Variants in KLHL30 observed in about 807,000 individuals in gnomAD.
KLHL30 encodes kelch-like protein 30.
Under a neutral mutation model 55.0 loss-of-function variants are expected in KLHL30, and 55 were observed. The observed-to-expected ratio is 1.00, with a 90% CI of 0.80 to 1.25. The LOEUF (loss-of-function observed/expected upper bound fraction) is 1.25. KLHL30 is among the 50% of genes most tolerant of loss of function. The probability of loss-of-function intolerance (pLI) is 0.00; values close to 1 mark genes in which losing one functional copy is unlikely to be tolerated. For missense variants in KLHL30, 786 were observed against 811.6 expected, an observed-to-expected ratio of 0.97 and a Z score of 0.38; for synonymous variants, 356 against 372.6, an observed-to-expected ratio of 0.96 and a Z score of 0.51.
At position 238,141,177 on chromosome 2, in the gene KLHL30, C is replaced by T. The variant is rs563194377; in HGVS notation, c.423C>T (p.Phe141=). 9.9e-6 allele frequency: 16 copies of T among 1,611,780 alleles called. No individual in the cohort carries two copies. Among genetic ancestry groups the T allele is most frequent in the South Asian group, 6.6e-5 (6 of 91,014 alleles). The change falls in exon 2 of 8, where the codon TTC becomes TTT. Residue 141 remains phenylalanine, a synonymous_variant. Coordinates refer to ENST00000409223, the MANE Select transcript of KLHL30 (RefSeq NM_198582.4). ...DAANCLGICE[F]GEQQGLLGVA... is the part of the protein sequence containing the mutation. ...CCAACTGCCTGGGCATCTGTGAGTT[C>T]GGGGAGCAGCAAGGGCTGCTGGGCG...
At chr2:238,142,715 T>C in intron 2 of KLHL30, 84 bp from the exon 3 acceptor site, 2 of 1,278,978 alleles carry the variant, frequency 1.6e-6, no homozygotes, top group Non-Finnish European at 2.0e-6. Flanking sequence ...TGCACTCACA[T>C]GCTGAGGCCT....
At position 238,141,392 on chromosome 2, in the gene KLHL30, C is replaced by T. The variant is rs12692216; in HGVS notation, c.638C>T (p.Ala213Val). The change falls in exon 2 of 8, where the codon GCC becomes GTC. Residue 213 changes from alanine (A) to valine (V), a missense_variant. Ala to Val is a moderately conservative substitution (Grantham distance 64). Transcript: ENST00000409223. ...WVRHDPQARA[A>V]HLPELLSLVH... ...CGCCATGACCCGCAGGCCCGGGCCG[C>T]CCACCTGCCCGAGCTGCTCAGCCTA... is the stretch of plus-strand genomic sequence containing the variant. 1,024,794 of 1,585,514 alleles carry T rather than the reference C, an allele frequency of 0.65. 334,661 individuals carry two copies. The highest frequency in any genetic ancestry group is 0.86 in the East Asian group (37,942 of 44,240).
rs189972381 is a variant in KLHL30 at position 238,151,115 on chromosome 2, G to C, written c.*50G>C. On this transcript the variant is annotated 3_prime_UTR_variant, in exon 8 of 8. Coordinates refer to ENST00000409223, the MANE Select transcript of KLHL30 (RefSeq NM_198582.4). ...GAGTCCCCACAGCGGCCCCTCATCA[G>C]CCTGTGGAACGGCCCCTTTCATTTT... 821 of 1,540,412 alleles carry C rather than the reference G, an allele frequency of 5.3e-4. 3 individuals carry two copies. The African/African-American group carries it at 9.5e-3, about 18-fold the overall frequency.
At position 238,141,135 on chromosome 2, in the gene KLHL30, G is replaced by C; in HGVS notation, c.381G>C (p.Gln127His). The C allele has an allele frequency of 3.7e-6, 6 of 1,611,522 alleles. No individual in the cohort carries two copies. The highest frequency in any genetic ancestry group is 5.1e-6 in the Non-Finnish European group (6 of 1,179,142). The change falls in exon 2 of 8, where the codon CAG becomes CAC. Residue 127 changes from glutamine to histidine, a missense_variant. By Grantham distance (24) the Gln-to-His change is conservative. Coordinates refer to ENST00000409223, the MANE Select transcript of KLHL30 (RefSeq NM_198582.4). ...SVQKVCGRYLQQQLDAANCLG... is the reference protein window; with the variant it reads ...SVQKVCGRYLHQQLDAANCLG... ...AGAAGGTCTGCGGCCGCTACCTGCAGCAGCAACTGGATGCCGCCAACTGCC... is the reference window on the plus strand; with the variant it reads ...AGAAGGTCTGCGGCCGCTACCTGCACCAGCAACTGGATGCCGCCAACTGCC...
intron 7 of KLHL30, 62 bp downstream of exon 7, chr2:238,149,214 C>T (rs1485044790): frequency 6.3e-7 from 1 of 1,592,304 alleles, no homozygotes; most frequent in Non-Finnish European, 8.6e-7. Context: ...CATCAGAGAG[C>T]CAGCCTGGGA....
chr2:238,150,796 C>T lies in KLHL30; in HGVS notation c.1486-18C>T. ...CCAGCTCCCGCCCACCGGACGCTAA[C>T]CCGCTGACCGTGCACAGGTGCAGTC... On this transcript the variant is annotated intron_variant, in intron 7 of 7. Coordinates refer to ENST00000409223, the MANE Select transcript of KLHL30 (RefSeq NM_198582.4). 6.4e-7 allele frequency: 1 copy of T among 1,564,740 alleles called. No homozygotes were observed.
chr2:238,145,437 A>AG (rs1168685608), intron 4 of KLHL30, among the ~76,000 whole-genome samples: 1 of 152,044 alleles, frequency 6.6e-6, no homozygotes, highest in Non-Finnish European at 1.5e-5. Flanking sequence ...AAGATTTGGG[A>AG]GGGGATAAGC....
chr2:238,151,960 C>T lies in KLHL30; in HGVS notation c.*895C>T. ...CCGATGGGCCCCTGCCAGCATGCAG[C>T]CCGACTCCGGCTGGCTCAGGCTCCG... On this transcript the variant is annotated 3_prime_UTR_variant, in exon 8 of 8. Transcript: ENST00000409223. 1.0e-6 allele frequency: 1 copy of T among 985,488 alleles called. No homozygotes were observed. Among genetic ancestry groups the T allele is most frequent in the South Asian group, 4.7e-5 (1 of 21,288 alleles). The allele number at this position is 985,488 out of a possible 1,614,324, so 61.0% of individuals were successfully genotyped here. A position where few individuals can be genotyped will look rare whatever the true frequency, so the allele number is the denominator to read the frequency against.
At chr2:238,143,068 C>A in intron 3 of KLHL30, 137 bp downstream of exon 3, 1 of 1,128,636 alleles carries the variant, frequency 8.9e-7, no homozygotes, top group Non-Finnish European at 1.2e-6. Context: ...AGGGGCGTGC[C>A]TGGGTGGGCC....
In KLHL30 at chr2:238,142,794, C is replaced by G; in HGVS notation, c.775-5C>G. 1 of 1,392,336 alleles carries G rather than the reference C, an allele frequency of 7.2e-7. No homozygotes were observed. The highest frequency in any genetic ancestry group is 9.3e-7 in the Non-Finnish European group (1 of 1,074,980). The allele number at this position is 1,392,336 out of a possible 1,614,324, so 86.2% of individuals were successfully genotyped here. A position where few individuals can be genotyped will look rare whatever the true frequency, so the allele number is the denominator to read the frequency against. ...TTGCCCTGACCCTGGCCTCCCACCC[C>G]ACAGGCACCACTCGCCCTCCAGCAG... On this transcript the variant is annotated splice_polypyrimidine_tract_variant and splice_region_variant and intron_variant, in intron 2 of 7. Transcript: ENST00000409223.
Position 238,147,457 on chromosome 2 carries a change from G to A in KLHL30, c.1151-377G>A, listed in dbSNP as rs545968644. On this transcript the variant is annotated intron_variant, in intron 5 of 7. Transcript: ENST00000409223. This position sits in a 1 kb window ranked among gnomAD's most constrained non-coding sequence, Gnocchi z 5.8. ...GAGCTGCCTACAGCTCCAGGGTCTC[G>A]CAACCCGCCCTCCCAGGGCTGGCAT... Among the ~76,000 whole-genome samples, 1 of 152,096 alleles carries A rather than the reference G, an allele frequency of 6.6e-6. No homozygotes were observed. The highest frequency in any genetic ancestry group is 2.4e-5 in the African/African-American group (1 of 41,408).
intron 3 of KLHL30, among the ~76,000 whole-genome samples, chr2:238,143,857 G>A (rs1412092729): frequency 6.6e-6 from 1 of 152,232 alleles, no homozygotes; most frequent in Non-Finnish European, 1.5e-5. Context: ...ATGAGTCATG[G>A]GGACACGGTG....
rs1357217137 is a variant in KLHL30 at position 238,147,642 on chromosome 2, AC to A, written c.1151-187del. ...TTTCTAGGCCCGAGTGTCCACCCCC[AC>A]CCCCACCACTTCCTGGCGGGGCGGC... On this transcript the variant is annotated intron_variant, in intron 5 of 7. Transcript: ENST00000409223. The surrounding 1 kb of genome is among the most constrained non-coding windows in gnomAD (Gnocchi z 5.8). Among the ~76,000 whole-genome samples the A allele has an allele frequency of 2.0e-5, 3 of 149,628 alleles. No individual in the cohort carries two copies. The East Asian group carries it at 5.9e-4, about 29-fold the overall frequency.
In KLHL30 at chr2:238,152,179, G is replaced by C. The variant is rs561724915; in HGVS notation, c.*1114G>C. The C allele has an allele frequency of 6.0e-4, 593 of 985,448 alleles. No homozygotes were observed. The highest frequency in any genetic ancestry group is 5.0e-4 in the Non-Finnish European group (419 of 829,998). The allele number at this position is 985,448 out of a possible 1,614,324, so 61.0% of individuals were successfully genotyped here. A position where few individuals can be genotyped will look rare whatever the true frequency, so the allele number is the denominator to read the frequency against. On this transcript the variant is annotated 3_prime_UTR_variant, in exon 8 of 8. Coordinates refer to ENST00000409223, the MANE Select transcript of KLHL30 (RefSeq NM_198582.4). ...GCCCCAGAGGCCCTGGGCAGCTCCG[G>C]TCTCCCGCCGGATCCAGGCTTCCTC...
intron 3 of KLHL30, among the ~76,000 whole-genome samples, chr2:238,144,343 G>C (rs1433003598): frequency 6.6e-6 from 1 of 151,096 alleles, no homozygotes. Context: ...TATGTGCCTG[G>C]CTGCCAGGAG....
chr2:238,142,573 C>A (rs138439591), intron 2 of KLHL30, among the ~76,000 whole-genome samples: 1 of 152,172 alleles, frequency 6.6e-6, no homozygotes, highest in South Asian at 2.1e-4. Flanking sequence ...CGTGGCGCTG[C>A]GGACCTGCTA....
chr2:238,139,907 C>A (rs541520466), intron 1 of KLHL30, among the ~76,000 whole-genome samples: 1 of 152,344 alleles, frequency 6.6e-6, no homozygotes, highest in African/African-American at 2.4e-5. Context: ...ATTACATGAG[C>A]CTGAAAGCGG....
At chr2:238,148,771 T>A (rs1692694023) in intron 6 of KLHL30, among the ~76,000 whole-genome samples, 1 of 152,116 alleles carries the variant, frequency 6.6e-6, no homozygotes, top group Admixed American at 6.5e-5. Context: ...CACAGGCCCC[T>A]CACCTATGCT....
At position 238,141,155 on chromosome 2, in the gene KLHL30, A is replaced by G. The variant is rs1280691431; in HGVS notation, c.401A>G (p.Asn134Ser). Residue 134 changes from asparagine to serine, a missense_variant, in exon 2 of 8, where the codon AAC (asparagine) becomes AGC (serine). Asn to Ser is a conservative substitution (Grantham distance 46, BLOSUM62 1). Transcript: ENST00000409223. ...RYLQQQLDAA[N>S]CLGICEFGEQ... ...CTGCAGCAGCAACTGGATGCCGCCA[A>G]CTGCCTGGGCATCTGTGAGTTCGGG... The G allele has an allele frequency of 6.2e-7, 1 of 1,611,812 alleles. No individual in the cohort carries two copies. Among genetic ancestry groups the G allele is most frequent in the South Asian group, 1.1e-5 (1 of 91,032 alleles).
Sources: allele counts gnomAD v4.1 joint callset (sites outside exome capture counted in the v4.1 genomes callset), GRCh38; gene constraint gnomAD v4.1.1; non-coding constraint Gnocchi (gnomAD v3.1); transcripts MANE v1.5; gene names NCBI Gene and HGNC (gene_info 2026-07-23, HGNC 2026-07-21).